BAHCC1: variants seen among roughly 807,000 people sequenced by gnomAD.
The protein encoded by BAHCC1 is BAH domain and coiled-coil containing 1.
A neutral mutation model predicts 88.2 loss-of-function variants in BAHCC1; 43 were observed. That is an observed-to-expected ratio of 0.49 (90% CI 0.38 to 0.63). The LOEUF (loss-of-function observed/expected upper bound fraction) is 0.63. BAHCC1 is among the 20% of genes least tolerant of loss of function. The pLI is 0.00. For missense variants in BAHCC1, 3,023 were observed against 1,654.8 expected (o/e 1.83, Z -14.34); for synonymous variants, 1,510 against 745.5 (o/e 2.03, Z -16.71).
chr17:81,408,930 T>C (rs537667472), intron 2 of BAHCC1, among the ~76,000 whole-genome samples: 1 of 152,350 alleles, frequency 6.6e-6, no homozygotes, highest in African/African-American at 2.4e-5. Context: ...CCTGCCCCAG[T>C]GCATAAGTGC....
intron 3 of BAHCC1, among the ~76,000 whole-genome samples, chr17:81,428,841 T>G (rs2064229444): frequency 6.6e-6 from 1 of 152,174 alleles, no homozygotes; most frequent in South Asian, 2.1e-4. Flanking sequence ...CCGGCATCGG[T>G]GGGTTCCATC....
At chr17:81,459,014 TG>T (rs1189981471) in intron 20 of BAHCC1, 39 bp from the exon 21 acceptor site, 1 of 723,894 alleles carries the variant, frequency 1.4e-6, no homozygotes, top group African/African-American at 1.7e-5. Flanking sequence ...GGAGGGGTGG[TG>T]GGTAGGCCGT....
At chr17:81,396,860 C>T (rs1250693576) in intron 1 of BAHCC1, 2 of 152,546 alleles carry the variant, frequency 1.3e-5, no homozygotes, top group African/African-American at 2.4e-5. Context: ...CGCCCGGGGC[C>T]CTCTGCCCGC....
In BAHCC1 at chr17:81,423,214, T is replaced by G. The variant is rs140081500; in HGVS notation, c.179-3586T>G. ...CAGCACTCACAGACCCCTCCTCTGC[T>G]GCCATGACTGGGAGAGGCCCCTTGA... On this transcript the variant is annotated intron_variant, in intron 2 of 27. Transcript: ENST00000675386. Among the ~76,000 whole-genome samples the G allele has an allele frequency of 2.9e-4, 44 of 150,948 alleles. 1 individual carries two copies. The East Asian group carries it at 8.7e-3, about 30-fold the overall frequency.
At chr17:81,444,002 G>A (rs2064474874) in intron 6 of BAHCC1, 85 bp downstream of exon 6, 1 of 682,254 alleles carries the variant, frequency 1.5e-6, no homozygotes, top group Non-Finnish European at 2.7e-6. Flanking sequence ...AGAAAGAGGG[G>A]TGGTCATGGC....
At chr17:81,430,664 C>T (rs1397854897) in intron 3 of BAHCC1, among the ~76,000 whole-genome samples, 3 of 152,192 alleles carry the variant, frequency 2.0e-5, no homozygotes, top group Non-Finnish European at 2.9e-5. Context: ...AGCGCCCACC[C>T]ACCCCGAGTG....
intron 11 of BAHCC1, among the ~76,000 whole-genome samples, chr17:81,451,447 A>C (rs2064632634): frequency 6.6e-6 from 1 of 152,164 alleles, no homozygotes; most frequent in East Asian, 1.9e-4. Context: ...GGGTCCTCCC[A>C]GCTGGCCCTG....
rs1315342371 is a variant in BAHCC1, at chr17:81,399,722, C to G, written c.-18C>G. ...GCTGCTCCGAGGAAGCGGCGGCGGACCGGGGCCGGGGCCCGGCATGGATGG... is the reference window on the plus strand; with the variant it reads ...GCTGCTCCGAGGAAGCGGCGGCGGAGCGGGGCCGGGGCCCGGCATGGATGG... On this transcript the variant is annotated 5_prime_UTR_variant, in exon 2 of 28. Coordinates refer to ENST00000675386, the MANE Select transcript of BAHCC1 (RefSeq NM_001377448.1). This position sits in a 1 kb window ranked among gnomAD's most constrained non-coding sequence, Gnocchi z 4.5. 7.6e-6 allele frequency: 8 copies of G among 1,053,890 alleles called. No homozygotes were observed. Among genetic ancestry groups the G allele is most frequent in the Non-Finnish European group, 9.1e-6 (8 of 876,914 alleles). 65.3% of individuals were successfully genotyped at this position (1,053,890 alleles called of 1,614,324 possible).
intron 11 of BAHCC1, among the ~76,000 whole-genome samples, chr17:81,448,250 G>A (rs1555655097): frequency 1.3e-5 from 2 of 152,340 alleles, no homozygotes; most frequent in Middle Eastern, 3.4e-3. Flanking sequence ...CTGGCCTGGG[G>A]GGTCCAGTTC....
chr17:81,407,484 T>C, intron 2 of BAHCC1: 1 of 485,790 alleles, frequency 2.1e-6, no homozygotes, highest in South Asian at 1.5e-5. Context: ...TCTTAACACA[T>C]GGCATGGGTG....
intron 2 of BAHCC1, among the ~76,000 whole-genome samples, chr17:81,418,776 C>T (rs1009452201): frequency 5.8e-4 from 39 of 67,316 alleles, no homozygotes; most frequent in African/African-American, 2.1e-3. Flanking sequence ...CGTGTGTGTA[C>T]GTGTGTGTGT....
intron 13 of BAHCC1, among the ~76,000 whole-genome samples, chr17:81,452,344 T>C (rs1598501183): frequency 6.6e-6 from 1 of 151,474 alleles, no homozygotes; most frequent in African/African-American, 2.4e-5. Context: ...AAGAGCCGCT[T>C]GTCAGAGCCT....
At chr17:81,418,987 A>T (rs1453639543) in intron 2 of BAHCC1, among the ~76,000 whole-genome samples, 2 of 151,960 alleles carry the variant, frequency 1.3e-5, no homozygotes, top group African/African-American at 2.4e-5. Flanking sequence ...TGCAAGTGTG[A>T]GTGTGTGCAA....
intron 23 of BAHCC1, 30 bp downstream of exon 23, chr17:81,459,634 C>T: frequency 1.3e-6 from 1 of 778,988 alleles, no homozygotes; most frequent in East Asian, 2.4e-5. Flanking sequence ...GGGGCTGGGG[C>T]AGGCCCCTCT....
chr17:81,437,567 GCCCCACACAGCCAGAGCT>G lies in BAHCC1; in HGVS notation c.359-802_359-785del, dbSNP rs2064353389. On this transcript the variant is annotated intron_variant, in intron 3 of 27. Coordinates refer to ENST00000675386, the MANE Select transcript of BAHCC1 (RefSeq NM_001377448.1). ...TCATCCCTTGGGTGGGGGCAAGTGT[GCCCCACACAGCCAGAGCT>G]GTCCCAAGGCCCAGGGCCAGCCGCG... Among the ~76,000 whole-genome samples the G allele has an allele frequency of 9.2e-5, 14 of 152,368 alleles. No homozygotes were observed. In the South Asian group the frequency reaches 2.9e-3, roughly 32 times the overall value.
rs2143584656 is a variant in BAHCC1, at chr17:81,451,784, A to G, written c.4093A>G (p.Thr1365Ala). Residue 1365 changes from threonine to alanine, a missense_variant, in exon 12 of 28, where the codon ACA (threonine) becomes GCA (alanine). Coordinates refer to ENST00000675386, the MANE Select transcript of BAHCC1 (RefSeq NM_001377448.1). ...DSSTAPAQPP[T>A]ANPCSGPRLT... ...CTCCACTGCCCCAGCGCAGCCGCCCACAGCCAACCCCTGCAGCGGCCCCAG... is the reference window on the plus strand; with the variant it reads ...CTCCACTGCCCCAGCGCAGCCGCCCGCAGCCAACCCCTGCAGCGGCCCCAG... 1.3e-6 allele frequency: 1 copy of G among 766,766 alleles called. No homozygotes were observed. The highest frequency in any genetic ancestry group is 2.4e-6 in the Non-Finnish European group (1 of 416,310). The allele number at this position is 766,766 out of a possible 1,614,324, so 47.5% of individuals were successfully genotyped here. A position where few individuals can be genotyped will look rare whatever the true frequency, so the allele number is the denominator to read the frequency against.
At chr17:81,455,417 CCAGGGCCCTT>C (rs2064730147) in intron 15 of BAHCC1, 27 bp downstream of exon 15, 1 of 713,272 alleles carries the variant, frequency 1.4e-6, no homozygotes, top group Non-Finnish European at 2.6e-6. Context: ...CCGCCTTGCC[CCAGGGCCCTT>C]CAGGTCCCTT....
chr17:81,446,673 T>C, intron 10 of BAHCC1: 1 of 402,670 alleles, frequency 2.5e-6, no homozygotes, highest in South Asian at 1.8e-5. Flanking sequence ...CTCAGCCTCC[T>C]GTGTAGCTTG....
Position 81,418,958 on chromosome 17 carries a change from C to CTGTGCAAGTGTGAGTG in BAHCC1, c.179-7811_179-7796dup, listed in dbSNP as rs1322516601. Among the ~76,000 whole-genome samples the CTGTGCAAGTGTGAGTG allele has an allele frequency of 1.7e-3, 262 of 152,146 alleles. 2 individuals carry two copies. Among genetic ancestry groups the CTGTGCAAGTGTGAGTG allele is most frequent in the Middle Eastern group, 6.8e-3 (2 of 294 alleles). On this transcript the variant is annotated intron_variant, in intron 2 of 27. Transcript: ENST00000675386. ...GTCACACACAGTCCCTCCCCTGCCT[C>CTGTGCAAGTGTGAGTG]TGTGCAAGTGTGAGTGTGTGCAAGT... is the stretch of plus-strand genomic sequence containing the variant.
Sources: gnomAD v4.1 joint callset for allele counts (sites outside exome capture counted in the v4.1 genomes callset) on GRCh38, gnomAD v4.1.1 for gene constraint, Gnocchi (gnomAD v3.1) non-coding constraint, MANE v1.5 for transcripts, NCBI Gene and HGNC (gene_info 2026-07-23, HGNC 2026-07-21) for gene names.